Variants in UBXN4 observed in about 807,000 individuals in gnomAD.
UBXN4 encodes the protein UBX domain protein 4.
UBXN4 carries 35 observed loss-of-function variants against 66.2 expected under a neutral mutation model. That is an observed-to-expected ratio of 0.53 (90% CI 0.40 to 0.70). The LOEUF (loss-of-function observed/expected upper bound fraction) is 0.70, where lower values mean the gene tolerates loss of function less well. Ranked by LOEUF, UBXN4 falls within the 30% of genes least tolerant of loss-of-function variation. The probability of loss-of-function intolerance (pLI) is 0.00; values close to 1 mark genes in which losing one functional copy is unlikely to be tolerated. For missense variants in UBXN4, 533 were observed against 599.8 expected, an observed-to-expected ratio of 0.89 and a Z score of 1.16; for synonymous variants, 203 against 204.5, an observed-to-expected ratio of 0.99 and a Z score of 0.06.
chr2:135,765,300 C>T (rs976672796), intron 6 of UBXN4, among the ~76,000 whole-genome samples: 5 of 151,980 alleles, frequency 3.3e-5, no homozygotes, highest in Admixed American at 2.6e-4. Flanking sequence ...ACCTCCACCT[C>T]CCAGATTCAA....
chr2:135,752,790 G>C (rs756464868), intron 2 of UBXN4, among the ~76,000 whole-genome samples: 17 of 152,018 alleles, frequency 1.1e-4, no homozygotes, highest in Non-Finnish European at 2.2e-4. Context: ...GCGCGATCTT[G>C]GCTCACTGCA....
intron 3 of UBXN4, 158 bp from the exon 4 acceptor site, chr2:135,754,001 C>A: frequency 1.7e-6 from 1 of 593,332 alleles, no homozygotes; most frequent in East Asian, 3.0e-5. Flanking sequence ...TGTATTAATA[C>A]TACAGGTATA....
intron 5 of UBXN4, among the ~76,000 whole-genome samples, chr2:135,756,593 C>CG (rs1454194314): frequency 6.6e-6 from 1 of 152,062 alleles, no homozygotes; most frequent in African/African-American, 2.4e-5. Flanking sequence ...GTGTACGGAA[C>CG]GGGGGGACTC....
In UBXN4 at chr2:135,779,037, G is replaced by A. The variant is rs1212928017; in HGVS notation, c.1143G>A (p.Leu381=). 6.2e-7 allele frequency: 1 copy of A among 1,613,624 alleles called. No homozygotes were observed. Among genetic ancestry groups the A allele is most frequent in the Admixed American group, 1.7e-5 (1 of 59,948 alleles). ...FTKEDYKKKL[L]DLELAPSASV... Reference sequence around the variant, plus strand: ...AAGAAGATTATAAAAAGAAGTTACTGGATTTGGAACTTGCCCCAAGCGCTT... The same window carrying A: ...AAGAAGATTATAAAAAGAAGTTACTAGATTTGGAACTTGCCCCAAGCGCTT... Residue 381 remains leucine, a synonymous_variant, in exon 11 of 13, where the codon CTG becomes CTA. Transcript: ENST00000272638.
rs188508544 is a variant in UBXN4, at chr2:135,753,286, A to G, written c.186-253A>G. On this transcript the variant is annotated intron_variant, in intron 2 of 12. Transcript: ENST00000272638. ...TGATCTGCCTGCCTCGGCCTCCCAA[A>G]ATGCTGGGATTACAGGCATGAGCCA... Among the ~76,000 whole-genome samples, 9 of 152,264 alleles carry G rather than the reference A, an allele frequency of 5.9e-5. 1 individual carries two copies. The highest frequency in any genetic ancestry group is 2.2e-4 in the African/African-American group (9 of 41,570).
intron 6 of UBXN4, among the ~76,000 whole-genome samples, chr2:135,766,134 TA>T (rs1299486665): frequency 8.9e-5 from 13 of 146,870 alleles, no homozygotes; most frequent in African/African-American, 3.3e-4. Context: ...GCGTGGGCAA[TA>T]AGAGAGAAAA....
chr2:135,773,871 A>G (rs2077397572), intron 9 of UBXN4, among the ~76,000 whole-genome samples: 1 of 152,222 alleles, frequency 6.6e-6, no homozygotes, highest in Non-Finnish European at 1.5e-5. Flanking sequence ...ACATTGTTGA[A>G]AGATTTAAGA....
intron 5 of UBXN4, among the ~76,000 whole-genome samples, chr2:135,759,451 C>G (rs1290994703): frequency 6.6e-6 from 1 of 152,092 alleles, no homozygotes; most frequent in Non-Finnish European, 1.5e-5. Flanking sequence ...TAGATTTCTG[C>G]TCTCCCTGGT....
intron 2 of UBXN4, among the ~76,000 whole-genome samples, chr2:135,748,900 G>A (rs1416106176): frequency 6.6e-6 from 1 of 151,828 alleles, no homozygotes; most frequent in Non-Finnish European, 1.5e-5. Flanking sequence ...GCCGGGTGTG[G>A]TGGCACACGC....
Position 135,754,171 on chromosome 2 carries a change from G to A in UBXN4, c.227G>A (p.Cys76Tyr). The A allele has an allele frequency of 6.2e-7, 1 of 1,612,878 alleles. No homozygotes were observed. The highest frequency in any genetic ancestry group is 8.5e-7 in the Non-Finnish European group (1 of 1,178,888). The change falls in exon 4 of 13, where the codon TGT becomes TAT. Residue 76 changes from cysteine to tyrosine, a missense_variant. Transcript: ENST00000272638. ...LQFSQIYPVV[C>Y]VPSSFFIGDS... ...TTAAACTGTACAGATCCTGTAGTGT[G>A]TGTTCCATCCAGTTTCTTTATTGGA...
intron 5 of UBXN4, 55 bp downstream of exon 5, chr2:135,755,746 A>G (rs1288446394): frequency 9.3e-7 from 1 of 1,075,048 alleles, no homozygotes; most frequent in Non-Finnish European, 1.2e-6. Context: ...CTACATTTTA[A>G]TATTTAAATA....
intron 6 of UBXN4, among the ~76,000 whole-genome samples, chr2:135,766,743 T>A (rs1225515857): frequency 6.6e-6 from 1 of 152,196 alleles, no homozygotes; most frequent in Non-Finnish European, 1.5e-5. Context: ...AATTATTTGG[T>A]TAGGATGTTG....
Position 135,784,994 on chromosome 2 carries a change from T to C in UBXN4, c.*2107T>C, listed in dbSNP as rs1427134305. On this transcript the variant is annotated 3_prime_UTR_variant, in exon 13 of 13. Coordinates refer to ENST00000272638, the MANE Select transcript of UBXN4 (RefSeq NM_014607.4). The stretch of plus-strand genomic sequence containing the variant: ...AATTTCTTATGTAATTTTCAGAAAA[T>C]TTGTATGCGTATATAAGCAAATATG... The C allele has an allele frequency of 6.6e-6, 1 of 152,302 alleles. No individual in the cohort carries two copies. The highest frequency in any genetic ancestry group is 1.9e-4 in the East Asian group (1 of 5,204). The allele number at this position is 152,302 out of a possible 1,614,324, so 9.4% of individuals were successfully genotyped here. A position where few individuals can be genotyped will look rare whatever the true frequency, so the allele number is the denominator to read the frequency against.
intron 6 of UBXN4, among the ~76,000 whole-genome samples, chr2:135,766,698 T>C (rs2077350587): frequency 6.6e-6 from 1 of 152,224 alleles, no homozygotes; most frequent in Non-Finnish European, 1.5e-5. Context: ...AGACAAGTAA[T>C]ATGAGATGTA....
intron 6 of UBXN4, 128 bp downstream of exon 6, chr2:135,762,039 C>T (rs1464688644): frequency 1.1e-6 from 1 of 901,832 alleles, no homozygotes; most frequent in African/African-American, 1.7e-5. Context: ...AATTTTTGAT[C>T]ACCTAACTAA....
At chr2:135,755,487 T>C in intron 4 of UBXN4, 30 bp from the exon 5 acceptor site, 1 of 1,500,470 alleles carries the variant, frequency 6.7e-7, no homozygotes, top group Non-Finnish European at 8.9e-7. Flanking sequence ...TCTTATCTAT[T>C]AATTAAAATC....
Position 135,783,136 on chromosome 2 carries a change from C to G in UBXN4, c.*249C>G, listed in dbSNP as rs2077460266. The G allele has an allele frequency of 3.2e-6, 1 of 317,308 alleles. No homozygotes were observed. The highest frequency in any genetic ancestry group is 8.6e-5 in the South Asian group (1 of 11,638). 19.7% of individuals were successfully genotyped at this position (317,308 alleles called of 1,614,324 possible). ...CCCTAAAAGAACCAAAAATCTGCCA[C>G]AGCCTGCCTCCATCAGCTTCTTATT... On this transcript the variant is annotated 3_prime_UTR_variant, in exon 13 of 13. Transcript: ENST00000272638.
intron 8 of UBXN4, 78 bp from the exon 9 acceptor site, chr2:135,772,342 C>T: frequency 6.5e-7 from 1 of 1,530,572 alleles, no homozygotes; most frequent in Non-Finnish European, 8.8e-7. Flanking sequence ...AAAAAAAATT[C>T]CATGCATATT....
At chr2:135,774,534 T>G (rs752715950) in intron 9 of UBXN4, among the ~76,000 whole-genome samples, 3 of 152,120 alleles carry the variant, frequency 2.0e-5, no homozygotes, top group Non-Finnish European at 2.9e-5. Context: ...TTTCGTGCTT[T>G]GAAGGATATC....
Sources: gnomAD v4.1 joint callset for allele counts (sites outside exome capture counted in the v4.1 genomes callset) on GRCh38, gnomAD v4.1.1 for gene constraint, MANE v1.5 for transcripts, NCBI Gene and HGNC (gene_info 2026-07-23, HGNC 2026-07-21) for gene names.